The following SLC25A29 variants were observed in gnomAD, a reference collection of about 807,000 sequenced individuals.
SLC25A29 encodes the protein mitochondrial basic amino acids transporter.
Under a neutral mutation model 10.0 loss-of-function variants are expected in SLC25A29, and 13 were observed. The ratio of observed to expected loss-of-function variants is 1.30; its 90% confidence interval spans 0.85 to 2.07. The LOEUF (loss-of-function observed/expected upper bound fraction) is 2.07. SLC25A29 is among the 30% of genes most tolerant of loss of function. The pLI, the probability that SLC25A29 is intolerant of heterozygous loss-of-function variation, is 0.00. For missense variants in SLC25A29, 475 were observed against 447.6 expected (o/e 1.06, Z -0.55); for synonymous variants, 244 against 221.1 (o/e 1.10, Z -0.92).
chr14:100,286,892 C>T (rs933478307), downstream of SLC25A29, among the ~76,000 whole-genome samples: 1 of 136,636 alleles, frequency 7.3e-6, no homozygotes, highest in Non-Finnish European at 1.6e-5. Context: ...CTGACTGGCT[C>T]CTGGCGCTGG....
chr14:100,288,382 C>CCAAAA (rs1555371815), downstream of SLC25A29, among the ~76,000 whole-genome samples: 2 of 63,832 alleles, frequency 3.1e-5, no homozygotes, highest in African/African-American at 1.3e-4. Context: ...AACTCTATCT[C>CCAAAA]AAAAAAAAAA....
intron 2 of SLC25A29, among the ~76,000 whole-genome samples, chr14:100,296,805 A>G (rs1038851972): frequency 2.0e-5 from 3 of 152,070 alleles, no homozygotes; most frequent in East Asian, 1.9e-4. Flanking sequence ...TCACCGTGTT[A>G]GCCAGGATGG....
chr14:100,299,645 A>G, intron 1 of SLC25A29: 2 of 985,470 alleles, frequency 2.0e-6, no homozygotes, highest in Non-Finnish European at 2.4e-6. Flanking sequence ...AGAGTCCTAA[A>G]TGCTGTGCAG....
At chr14:100,303,723 T>C (rs1412418463) in intron 1 of SLC25A29, among the ~76,000 whole-genome samples, 2 of 151,308 alleles carry the variant, frequency 1.3e-5, no homozygotes, top group Non-Finnish European at 3.0e-5. Context: ...CTCCAAAGCC[T>C]ACTGTCTACT....
intron 2 of SLC25A29, among the ~76,000 whole-genome samples, chr14:100,297,709 T>C (rs1165990722): frequency 1.3e-5 from 2 of 152,230 alleles, no homozygotes; most frequent in African/African-American, 2.4e-5. Flanking sequence ...GGCCGCTGCC[T>C]GCCAAGAAAG....
At chr14:100,297,874 TGCAGAAAACCGGCTG>T (rs1892277166) in intron 2 of SLC25A29, 1 of 152,310 alleles carries the variant, frequency 6.6e-6, no homozygotes, top group African/African-American at 2.4e-5. Context: ...CCCAAGGTCA[TGCAGAAAACCGGCTG>T]GCAGAGGGGC....
intron 2 of SLC25A29, 174 bp downstream of exon 2, chr14:100,298,668 C>A (rs1892332993): frequency 1.3e-6 from 1 of 796,638 alleles, no homozygotes. Context: ...GCATGTGGAT[C>A]AGCCCCAGCT....
At chr14:100,304,998 G>A (rs1892820241) in intron 1 of SLC25A29, 1 of 152,238 alleles carries the variant, frequency 6.6e-6, no homozygotes. Context: ...GAAGCGGGAG[G>A]GGAAGGTGAG....
At chr14:100,296,673 A>G (rs958978790) in intron 2 of SLC25A29, 11 of 151,988 alleles carry the variant, frequency 7.2e-5, no homozygotes, top group African/African-American at 2.7e-4. Context: ...ATCTTGGCTC[A>G]CTGCAAGCTC....
At chr14:100,304,827 C>G (rs1046716722) in intron 1 of SLC25A29, 1 of 152,406 alleles carries the variant, frequency 6.6e-6, no homozygotes, top group South Asian at 2.1e-4. Flanking sequence ...GAGGGCAGCA[C>G]GGACGGTAGC....
chr14:100,305,121 C>T (rs576459135), intron 1 of SLC25A29: 5 of 152,304 alleles, frequency 3.3e-5, no homozygotes, highest in Admixed American at 1.3e-4. Flanking sequence ...CCGGGAAGTT[C>T]TAACTCCCCT....
intron 2 of SLC25A29, among the ~76,000 whole-genome samples, chr14:100,297,146 G>A (rs1417084762): frequency 3.3e-5 from 5 of 152,236 alleles, no homozygotes; most frequent in Non-Finnish European, 7.3e-5. Flanking sequence ...GGTATGTCCA[G>A]ATGTGATGCT....
Position 100,292,762 on chromosome 14 carries a change from C to G in SLC25A29, c.433G>C (p.Glu145Gln), listed in dbSNP as rs747539403. ...CCCCGGTTGACGCCACGCAGACCCT[C>G]GTGCCCGTAGATCTGCGCGAGGCAG... ...LDCLAQIYGH[E>Q]GLRGVNRGMV... The change falls in exon 4 of 4, where the codon GAG (glutamate) becomes CAG (glutamine). Residue 145 changes from glutamate to glutamine, a missense_variant. Transcript: ENST00000359232. 5 of 1,601,170 alleles carry G rather than the reference C, an allele frequency of 3.1e-6. No individual in the cohort carries two copies. Among genetic ancestry groups the G allele is most frequent in the African/African-American group, 1.3e-5 (1 of 74,802 alleles).
At chr14:100,296,729 G>A (rs1892179848) in intron 2 of SLC25A29, among the ~76,000 whole-genome samples, 1 of 152,138 alleles carries the variant, frequency 6.6e-6, no homozygotes, top group Non-Finnish European at 1.5e-5. Flanking sequence ...CTCCCGAGTA[G>A]CTGGGACTAC....
At chr14:100,283,177 C>G in the SLC25A29 span, among the ~76,000 whole-genome samples, 1 of 152,232 alleles carries the variant, frequency 6.6e-6, no homozygotes, top group Non-Finnish European at 1.5e-5. Context: ...CTGAGAGCTA[C>G]TTAGGATTTA....
At chr14:100,303,735 T>C (rs760930000) in intron 1 of SLC25A29, among the ~76,000 whole-genome samples, 3 of 143,408 alleles carry the variant, frequency 2.1e-5, no homozygotes, top group Non-Finnish European at 4.6e-5. Context: ...CTGTCTACTG[T>C]CCTCCCTAAG....
At chr14:100,299,890 C>G (rs1892427697) in intron 1 of SLC25A29, 2 of 985,492 alleles carry the variant, frequency 2.0e-6, no homozygotes, top group Middle Eastern at 5.2e-4. Flanking sequence ...CCCATTCTCA[C>G]TCTTCCACTT....
At chr14:100,304,244 G>A (rs1222078257) in intron 1 of SLC25A29, among the ~76,000 whole-genome samples, 2 of 152,176 alleles carry the variant, frequency 1.3e-5, no homozygotes, top group African/African-American at 4.8e-5. Context: ...GTGCCTCTGG[G>A]CAGGCTGTCA....
intron 2 of SLC25A29, chr14:100,298,263 G>A (rs1032935965): frequency 1.3e-5 from 2 of 159,640 alleles, no homozygotes; most frequent in Middle Eastern, 3.0e-3. Flanking sequence ...AACCACAAGC[G>A]GAGGGTGGGG....
Sources: gnomAD v4.1 joint callset for allele counts (sites outside exome capture counted in the v4.1 genomes callset) on GRCh38, gnomAD v4.1.1 for gene constraint, MANE v1.5 for transcripts, NCBI Gene and HGNC (gene_info 2026-07-23, HGNC 2026-07-21) for gene names.